The following CYP4A22 variants were observed in gnomAD, a reference collection of about 807,000 sequenced individuals.
CYP4A22 encodes the protein cytochrome P450 4A22.
In CYP4A22, 46 loss-of-function variants were observed where a neutral mutation model predicts 56.2. That is an observed-to-expected ratio of 0.82 (90% CI 0.65 to 1.05). The LOEUF is 1.05. Among genes scored for constraint, CYP4A22 ranks in the 50% least tolerant of loss-of-function variants. The probability of loss-of-function intolerance (pLI) is 0.00; values close to 1 mark genes in which losing one functional copy is unlikely to be tolerated. For synonymous variants in CYP4A22, 193 were observed against 251.1 expected (o/e 0.77, Z 2.19); for missense variants, 541 against 645.9 (o/e 0.84, Z 1.76).
At position 47,143,751 on chromosome 1, in the gene CYP4A22, C is replaced by T; in HGVS notation, c.636-11C>T. On this transcript the variant is annotated splice_polypyrimidine_tract_variant and intron_variant, in intron 5 of 11. Coordinates refer to ENST00000371891, the MANE Select transcript of CYP4A22 (RefSeq NM_001010969.4). ...CCCCTACTGCGGTCTCTTCTTCATA[C>T]TCTCCCTCAGGAATTCTCAGTCCTA... 2.5e-6 allele frequency: 4 copies of T among 1,601,698 alleles called. No homozygotes were observed. Among genetic ancestry groups the T allele is most frequent in the Non-Finnish European group, 3.4e-6 (4 of 1,173,246 alleles).
intron 1 of CYP4A22, among the ~76,000 whole-genome samples, chr1:47,139,918 G>A (rs1252307274): frequency 6.6e-6 from 1 of 152,228 alleles, no homozygotes; most frequent in African/African-American, 2.4e-5. Context: ...GTAGAGAAAA[G>A]AGCAAGTGCC....
rs2148561204 is a variant in CYP4A22, at chr1:47,149,531, G to A, written c.*734G>A. 2.0e-5 allele frequency: 3 copies of A among 152,064 alleles called. No individual in the cohort carries two copies. The highest frequency in any genetic ancestry group is 2.0e-4 in the Admixed American group (3 of 15,286). The allele number at this position is 152,064 out of a possible 1,614,324, so 9.4% of individuals were successfully genotyped here. On this transcript the variant is annotated 3_prime_UTR_variant, in exon 12 of 12. Coordinates refer to ENST00000371891, the MANE Select transcript of CYP4A22 (RefSeq NM_001010969.4). The stretch of plus-strand genomic sequence containing the variant: ...TCAAACTGTCTTTTCTCATTCCTTT[G>A]ACTCTGCCGGACTTTGTCACCCCCA...
chr1:47,143,726 C>G (rs765702507), intron 5 of CYP4A22, 36 bp from the exon 6 acceptor site: 1 of 1,572,204 alleles, frequency 6.4e-7, no homozygotes, highest in Non-Finnish European at 8.6e-7. Flanking sequence ...AATGGGCCCA[C>G]CCCTACTGCG....
At chr1:47,148,495 T>G (rs1645098608) in intron 11 of CYP4A22, 107 bp from the exon 12 acceptor site, 1 of 1,434,298 alleles carries the variant, frequency 7.0e-7, no homozygotes, top group Non-Finnish European at 9.4e-7. Context: ...ACACATGAGG[T>G]TGGGCACTGA....
chr1:47,146,076 G>T lies in CYP4A22; in HGVS notation c.1288-1G>T. The T allele has an allele frequency of 6.2e-7, 1 of 1,614,152 alleles. No individual in the cohort carries two copies. The highest frequency in any genetic ancestry group is 8.5e-7 in the Non-Finnish European group (1 of 1,180,026). ...TCCTGGCTCTGGTGCTCTCTCTGCA[G>T]GTGTTTGACCCTTCCCGTTTTGCAC... On this transcript the variant is annotated splice_acceptor_variant, in intron 10 of 11. Transcript: ENST00000371891. LOFTEE classifies it high-confidence loss of function.
chr1:47,143,926 C>T lies in CYP4A22; in HGVS notation c.790+10C>T, dbSNP rs2405590. The T allele has an allele frequency of 2.3e-5, 37 of 1,602,324 alleles. No homozygotes were observed. The highest frequency in any genetic ancestry group is 2.9e-5 in the Non-Finnish European group (34 of 1,173,948). The stretch of plus-strand genomic sequence containing the variant: ...GCCCATCAGCACACAGGTTCTGTCT[C>T]TTCCTCTTGTCTCCCAGCCTTTCCC... On this transcript the variant is annotated intron_variant, in intron 6 of 11. Coordinates refer to ENST00000371891, the MANE Select transcript of CYP4A22 (RefSeq NM_001010969.4).
chr1:47,140,892 A>C lies in CYP4A22; in HGVS notation c.308A>C (p.Asp103Ala). Residue 103 changes from aspartate to alanine, a missense_variant, in exon 2 of 12, where the codon GAC (aspartate) becomes GCC (alanine). By Grantham distance (126) the Asp-to-Ala change is moderately radical. Around this residue, in one of 3 missense-constraint regions of CYP4A22, gnomAD observed 335 missense variants for 361.2 expected, o/e 0.93. Transcript: ENST00000371891. ...GTTCGTGTCCAGCTCTATGACCCTG[A>C]CTATATGAAGGTGATTCTGGGGAGA... is the stretch of plus-strand genomic sequence containing the variant. ...GKVRVQLYDP[D>A]YMKVILGRSD... 1 of 1,614,060 alleles carries C rather than the reference A, an allele frequency of 6.2e-7. No individual in the cohort carries two copies. Among genetic ancestry groups the C allele is most frequent in the Admixed American group, 1.7e-5 (1 of 59,996 alleles).
chr1:47,146,016 T>C (rs528326926), intron 10 of CYP4A22, 61 bp from the exon 11 acceptor site: 72 of 1,613,192 alleles, frequency 4.5e-5, no homozygotes, highest in Non-Finnish European at 4.5e-5. Context: ...TACTGTACCC[T>C]CATGGGTGGC....
In CYP4A22 at chr1:47,143,854, A is replaced by G. The variant is rs2148557267; in HGVS notation, c.728A>G (p.Tyr243Cys). ...RNAFHENDTI[Y>C]SLTSAGRWTH... Reference sequence around the variant, plus strand: ...GCCTTTCATGAGAATGACACCATCTACAGCCTGACCTCTGCTGGCCGCTGG... The same window carrying G: ...GCCTTTCATGAGAATGACACCATCTGCAGCCTGACCTCTGCTGGCCGCTGG... The change falls in exon 6 of 12, where the codon TAC (tyrosine) becomes TGC (cysteine). Residue 243 changes from tyrosine to cysteine, a missense_variant. This residue lies in a region of CYP4A22 where 335 missense variants were observed against 361.2 expected (regional missense o/e 0.93). Coordinates refer to ENST00000371891, the MANE Select transcript of CYP4A22 (RefSeq NM_001010969.4). 6.2e-7 allele frequency: 1 copy of G among 1,614,108 alleles called. No individual in the cohort carries two copies. The highest frequency in any genetic ancestry group is 1.1e-5 in the South Asian group (1 of 91,066).
At chr1:47,140,385 T>C (rs1644994409) in intron 1 of CYP4A22, among the ~76,000 whole-genome samples, 1 of 152,264 alleles carries the variant, frequency 6.6e-6, no homozygotes. Flanking sequence ...CAAGTATGAT[T>C]ATATAAAATT....
chr1:47,140,363 T>C (rs12121286), intron 1 of CYP4A22, among the ~76,000 whole-genome samples: 24,541 of 152,184 alleles, frequency 0.16, 2,095 homozygotes, highest in East Asian at 0.33. Flanking sequence ...TGGGACAATA[T>C]TGAAAATATA....
intron 1 of CYP4A22, among the ~76,000 whole-genome samples, chr1:47,138,841 G>A (rs926255697): frequency 1.3e-5 from 2 of 152,210 alleles, no homozygotes; most frequent in Non-Finnish European, 2.9e-5. Flanking sequence ...TGGGGAGAGG[G>A]GCGGGTAGGA....
chr1:47,139,055 C>T (rs1644978233), intron 1 of CYP4A22, among the ~76,000 whole-genome samples: 2 of 152,238 alleles, frequency 1.3e-5, no homozygotes, highest in South Asian at 2.1e-4. Flanking sequence ...TACCACTCCA[C>T]CTTCTTTCCC....
Position 47,140,790 on chromosome 1 carries a change from A to T in CYP4A22, c.206A>T (p.Asp69Val). The T allele has an allele frequency of 6.2e-7, 1 of 1,614,150 alleles. No individual in the cohort carries two copies. Among genetic ancestry groups the T allele is most frequent in the Non-Finnish European group, 8.5e-7 (1 of 1,179,996 alleles). The stretch of plus-strand genomic sequence containing the variant: ...TACCCTCGTTGACAGTTCCAACACG[A>T]CCAGGAGCTACAACGGATTCAGGAA... ...LFGHIQEFQHDQELQRIQERV... is the reference protein window; with the variant it reads ...LFGHIQEFQHVQELQRIQERV... The change falls in exon 2 of 12, where the codon GAC becomes GTC. Residue 69 changes from aspartate (D) to valine (V), a missense_variant. Transcript: ENST00000371891.
intron 1 of CYP4A22, among the ~76,000 whole-genome samples, chr1:47,138,685 A>G (rs2148552677): frequency 6.6e-6 from 1 of 152,354 alleles, no homozygotes; most frequent in East Asian, 1.9e-4. Context: ...TGCACGGCCC[A>G]AGATAATTAT....
At chr1:47,146,198 T>A in intron 11 of CYP4A22, 45 bp downstream of exon 11, 1 of 1,613,996 alleles carries the variant, frequency 6.2e-7, no homozygotes, top group Non-Finnish European at 8.5e-7. Context: ...ATGAGGGAAG[T>A]CTCTGGTCAA....
At position 47,140,756 on chromosome 1, in the gene CYP4A22, T is replaced by G; in HGVS notation, c.196-24T>G. On this transcript the variant is annotated intron_variant, in intron 1 of 11. Transcript: ENST00000371891. ...AAAGACTAGAAGTAAATGAAAGTGT[T>G]CATCTGTCTACCCTCGTTGACAGTT... The G allele has an allele frequency of 1.9e-6, 3 of 1,613,506 alleles. No homozygotes were observed. The South Asian group carries it at 3.3e-5, about 18-fold the overall frequency.
At chr1:47,143,101 C>T (rs190360784) in intron 4 of CYP4A22, among the ~76,000 whole-genome samples, 168 bp from the exon 5 acceptor site, 13 of 152,372 alleles carry the variant, frequency 8.5e-5, no homozygotes, top group Admixed American at 3.3e-4. Context: ...ACTGGCTTTA[C>T]AGTCCCAGTT....
At chr1:47,146,339 G>C in intron 11 of CYP4A22, 186 bp downstream of exon 11, 2 of 1,478,120 alleles carry the variant, frequency 1.4e-6, no homozygotes, top group East Asian at 4.8e-5. Flanking sequence ...GGCATTCAGA[G>C]CACCCCATGG....
Sources: allele counts gnomAD v4.1 joint callset (sites outside exome capture counted in the v4.1 genomes callset), GRCh38; gene constraint gnomAD v4.1.1; regional missense constraint gnomAD v4.1.1; transcripts MANE v1.5; gene names NCBI Gene and HGNC (gene_info 2026-07-23, HGNC 2026-07-21).